TSPAN15: variants seen among roughly 807,000 people sequenced by gnomAD.
The protein encoded by TSPAN15 is tetraspanin 15, also known as tetraspanin-15.
In TSPAN15, 20 loss-of-function variants were observed where a neutral mutation model predicts 34.5. The ratio of observed to expected loss-of-function variants is 0.58; its 90% CI spans 0.41 to 0.84. The LOEUF (loss-of-function observed/expected upper bound fraction) is 0.84, where lower values mean the gene tolerates loss of function less well. TSPAN15 is among the 40% of genes least tolerant of loss of function. The probability of loss-of-function intolerance (pLI) is 0.00; values close to 1 mark genes in which losing one functional copy is unlikely to be tolerated. For missense variants in TSPAN15, 313 were observed against 386.1 expected, an observed-to-expected ratio of 0.81 and a Z score of 1.59; for synonymous variants, 155 against 153.9, an observed-to-expected ratio of 1.01 and a Z score of -0.05.
chr10:69,476,542 G>A (rs1006442946), intron 1 of TSPAN15, among the ~76,000 whole-genome samples: 2 of 148,988 alleles, frequency 1.3e-5, no homozygotes, highest in African/African-American at 5.0e-5. Flanking sequence ...GGATGACAGA[G>A]TGAGACCCTG....
chr10:69,503,318 C>T (rs1420787132), intron 5 of TSPAN15, among the ~76,000 whole-genome samples: 4 of 152,210 alleles, frequency 2.6e-5, no homozygotes, highest in Admixed American at 2.0e-4. Flanking sequence ...CTTTCCTTTG[C>T]AGGGGCTGGA....
chr10:69,541,682 T>G, the TSPAN15 span, among the ~76,000 whole-genome samples: 1 of 152,270 alleles, frequency 6.6e-6, no homozygotes, highest in Non-Finnish European at 1.5e-5. Flanking sequence ...GTCTGAAATT[T>G]AGGCAGAGGT....
chr10:69,458,312 G>T (rs557111640), intron 1 of TSPAN15, among the ~76,000 whole-genome samples: 1 of 152,136 alleles, frequency 6.6e-6, no homozygotes, highest in Non-Finnish European at 1.5e-5. Flanking sequence ...TCATACATGC[G>T]CATAGCTTAA....
chr10:69,517,393 C>A, the TSPAN15 span, among the ~76,000 whole-genome samples: 1 of 152,214 alleles, frequency 6.6e-6, no homozygotes, highest in Non-Finnish European at 1.5e-5. Flanking sequence ...AAGGAGCTGC[C>A]GGGGGCTCGG....
the TSPAN15 span, among the ~76,000 whole-genome samples, chr10:69,533,557 G>T: frequency 1.3e-5 from 2 of 152,096 alleles, no homozygotes; most frequent in African/African-American, 4.8e-5. Flanking sequence ...TACAAATAGG[G>T]TGCAGTGTAT....
At chr10:69,505,791 G>A (rs1299356921) in intron 6 of TSPAN15, among the ~76,000 whole-genome samples, 1 of 152,150 alleles carries the variant, frequency 6.6e-6, no homozygotes, top group Non-Finnish European at 1.5e-5. Flanking sequence ...GAAAACATCC[G>A]TGAGGCTTTT....
At chr10:69,492,059 C>T (rs1841980002) in intron 3 of TSPAN15, among the ~76,000 whole-genome samples, 1 of 152,204 alleles carries the variant, frequency 6.6e-6, no homozygotes, top group African/African-American at 2.4e-5. Flanking sequence ...GCTTTCAAAC[C>T]TTGTGGCTTT....
chr10:69,453,886 A>G (rs1841027510), intron 1 of TSPAN15, among the ~76,000 whole-genome samples: 1 of 152,168 alleles, frequency 6.6e-6, no homozygotes, highest in East Asian at 1.9e-4. Flanking sequence ...CCATCCCTGG[A>G]AGTATTTCTG....
chr10:69,528,599 G>A, the TSPAN15 span, among the ~76,000 whole-genome samples: 1 of 148,620 alleles, frequency 6.7e-6, no homozygotes, highest in African/African-American at 2.4e-5. Flanking sequence ...TCAAGTTCTT[G>A]TCCTGTGACC....
intron 4 of TSPAN15, among the ~76,000 whole-genome samples, chr10:69,496,330 A>AATAATG (rs1485790505): frequency 1.3e-5 from 1 of 74,662 alleles, no homozygotes; most frequent in Non-Finnish European, 2.5e-5. Flanking sequence ...CAATAATAAT[A>AATAATG]ATAATAATAA....
At chr10:69,482,570 TA>T (rs1219565867) in intron 1 of TSPAN15, among the ~76,000 whole-genome samples, 1 of 152,238 alleles carries the variant, frequency 6.6e-6, no homozygotes, top group Non-Finnish European at 1.5e-5. Context: ...CCTGCCTGTT[TA>T]ATACGCGTTG....
intron 1 of TSPAN15, among the ~76,000 whole-genome samples, chr10:69,482,081 A>AC (rs1209452433): frequency 3.3e-5 from 5 of 152,118 alleles, no homozygotes; most frequent in African/African-American, 1.2e-4. Flanking sequence ...AAAAAAAAAA[A>AC]ACCAACCAGA....
At chr10:69,514,876 GC>G in the TSPAN15 span, among the ~76,000 whole-genome samples, 2,353 of 152,198 alleles carry the variant, frequency 0.015, 62 homozygotes, top group African/African-American at 0.054. Flanking sequence ...CTCCTCTCCG[GC>G]CCCTGCCCTG....
the TSPAN15 span, among the ~76,000 whole-genome samples, chr10:69,534,458 G>T: frequency 6.6e-6 from 1 of 152,020 alleles, no homozygotes; most frequent in Non-Finnish European, 1.5e-5. Context: ...AAATAATGGG[G>T]GCACAAGGAG....
chr10:69,500,630 G>C (rs575511755), intron 5 of TSPAN15, among the ~76,000 whole-genome samples: 1 of 152,234 alleles, frequency 6.6e-6, no homozygotes, highest in South Asian at 2.1e-4. Context: ...TTCTCTTATG[G>C]TCACTGAGGA....
chr10:69,497,671 G>T lies in TSPAN15; in HGVS notation c.454-609G>T, dbSNP rs541169346. On this transcript the variant is annotated intron_variant, in intron 4 of 7. Transcript: ENST00000373290. ...GGGCTGCCTTGCTTTTGCTCACCCTGTCTCTCCAGTGCCCAGGACAATGCC... is the reference window on the plus strand; with the variant it reads ...GGGCTGCCTTGCTTTTGCTCACCCTTTCTCTCCAGTGCCCAGGACAATGCC... Among the ~76,000 whole-genome samples, 3 of 152,186 alleles carry T rather than the reference G, an allele frequency of 2.0e-5. No homozygotes were observed. In the South Asian group the frequency reaches 6.2e-4, roughly 32 times the overall value.
Position 69,506,738 on chromosome 10 carries a change from C to A in TSPAN15, c.736-91C>A. 7.4e-7 allele frequency: 1 copy of A among 1,344,994 alleles called. No homozygotes were observed. The highest frequency in any genetic ancestry group is 1.0e-6 in the Non-Finnish European group (1 of 968,378). The allele number at this position is 1,344,994 out of a possible 1,614,324, so 83.3% of individuals were successfully genotyped here. A position where few individuals can be genotyped will look rare whatever the true frequency, so the allele number is the denominator to read the frequency against. On this transcript the variant is annotated intron_variant, in intron 7 of 7. Transcript: ENST00000373290. The surrounding 1 kb of genome is among the most constrained non-coding windows in gnomAD (Gnocchi z 4.7). ...CACACAGGACCATGAGGGCTTGGGA[C>A]TGGCTGCTTGGGTTTCTGGGAGCCG...
At chr10:69,466,388 G>A (rs940448265) in intron 1 of TSPAN15, among the ~76,000 whole-genome samples, 5 of 152,102 alleles carry the variant, frequency 3.3e-5, no homozygotes, top group Non-Finnish European at 4.4e-5. Context: ...GCATCCCCCC[G>A]CTGATTCCTG....
At chr10:69,453,856 C>G (rs1186162127) in intron 1 of TSPAN15, among the ~76,000 whole-genome samples, 1 of 152,208 alleles carries the variant, frequency 6.6e-6, no homozygotes, top group African/African-American at 2.4e-5. Flanking sequence ...ACTGAGGTTG[C>G]CTTACCAAAT....
Sources: allele counts gnomAD v4.1 joint callset (sites outside exome capture counted in the v4.1 genomes callset), GRCh38; gene constraint gnomAD v4.1.1; non-coding constraint Gnocchi (gnomAD v3.1); transcripts MANE v1.5; gene names NCBI Gene and HGNC (gene_info 2026-07-23, HGNC 2026-07-21).